The following JAZF1 variants were observed in gnomAD, a reference collection of about 807,000 sequenced individuals.
The protein encoded by JAZF1 is JAZF zinc finger 1, also known as juxtaposed with another zinc finger protein 1.
Under a neutral mutation model 26.4 loss-of-function variants are expected in JAZF1, and 8 were observed. The observed-to-expected ratio is 0.30, with a 90% confidence interval of 0.18 to 0.55. The LOEUF (loss-of-function observed/expected upper bound fraction) is 0.55, where lower values mean the gene tolerates loss of function less well. Among genes scored for constraint, JAZF1 ranks in the 20% least tolerant of loss-of-function variants. The pLI, the probability that JAZF1 is intolerant of heterozygous loss-of-function variation, is 0.94. For synonymous variants in JAZF1, 126 were observed against 122.3 expected (o/e 1.03, Z -0.20); for missense variants, 199 against 322.0 (o/e 0.62, Z 2.92).
At chr7:28,064,912 A>G (rs1783855372) in intron 1 of JAZF1, among the ~76,000 whole-genome samples, 1 of 152,292 alleles carries the variant, frequency 6.6e-6, no homozygotes, top group Admixed American at 6.5e-5. Context: ...TATTCATTAT[A>G]TAACTTTAGA....
chr7:28,175,503 C>G (rs897505272), intron 1 of JAZF1, among the ~76,000 whole-genome samples: 2 of 152,192 alleles, frequency 1.3e-5, no homozygotes, highest in African/African-American at 4.8e-5. Context: ...CTAACCACTC[C>G]GTGAGATGGA....
chr7:28,166,277 T>C (rs1783366403), intron 1 of JAZF1, among the ~76,000 whole-genome samples: 1 of 152,226 alleles, frequency 6.6e-6, no homozygotes, highest in Non-Finnish European at 1.5e-5. Flanking sequence ...ATAAAGTATT[T>C]TAAATATTCT....
chr7:27,967,381 T>C (rs563465219), intron 2 of JAZF1, among the ~76,000 whole-genome samples: 3 of 152,030 alleles, frequency 2.0e-5, no homozygotes, highest in East Asian at 1.9e-4. Context: ...AAACAGAACA[T>C]AGGGACATCT....
intron 1 of JAZF1, among the ~76,000 whole-genome samples, chr7:28,142,257 G>A (rs1782970014): frequency 1.3e-5 from 2 of 152,102 alleles, no homozygotes; most frequent in South Asian, 4.1e-4. Flanking sequence ...CTGATGTGAT[G>A]TTCAGAATCC....
chr7:28,014,949 C>T (rs1190594630), intron 1 of JAZF1, among the ~76,000 whole-genome samples: 6 of 152,206 alleles, frequency 3.9e-5, no homozygotes, highest in African/African-American at 1.4e-4. Context: ...GTTTAAAGTG[C>T]GGTCCTGGAG....
At chr7:27,924,623 A>ATTTT (rs1784582546) in intron 2 of JAZF1, among the ~76,000 whole-genome samples, 1 of 152,212 alleles carries the variant, frequency 6.6e-6, no homozygotes, top group African/African-American at 2.4e-5. Context: ...AAAGGGGCTG[A>ATTTT]TTTTTTAAAA....
chr7:28,057,660 T>C lies in JAZF1; in HGVS notation c.116-65679A>G, dbSNP rs535259455. Reference sequence around the variant, plus strand: ...ACTCCTATTTTTAATGGTTATAAGCTACTTAGGTCTTTGTAGCTTTTGAGT... The same window carrying C: ...ACTCCTATTTTTAATGGTTATAAGCCACTTAGGTCTTTGTAGCTTTTGAGT... On this transcript the variant is annotated intron_variant, in intron 1 of 4. Coordinates refer to ENST00000283928, the MANE Select transcript of JAZF1 (RefSeq NM_175061.4). Among the ~76,000 whole-genome samples, 8 of 152,346 alleles carry C rather than the reference T, an allele frequency of 5.3e-5. No homozygotes were observed. The South Asian group carries it at 1.7e-3, about 32-fold the overall frequency.
At chr7:27,890,858 CG>C (rs1246794198) in intron 3 of JAZF1, among the ~76,000 whole-genome samples, 1 of 145,440 alleles carries the variant, frequency 6.9e-6, no homozygotes, top group Admixed American at 7.1e-5. Context: ...GGTGCAATCT[CG>C]GCTCACCGCA....
chr7:27,855,363 A>C (rs188095796), intron 3 of JAZF1, among the ~76,000 whole-genome samples: 56 of 152,270 alleles, frequency 3.7e-4, no homozygotes, highest in Non-Finnish European at 5.0e-4. Flanking sequence ...GAAGACAAGA[A>C]ATAACTAAGA....
chr7:27,971,912 G>A (rs1365425811), intron 2 of JAZF1, among the ~76,000 whole-genome samples: 1 of 152,154 alleles, frequency 6.6e-6, no homozygotes. Context: ...CATGATGGGA[G>A]GGCAATGCAA....
At chr7:27,977,945 G>C (rs1391004833) in intron 2 of JAZF1, among the ~76,000 whole-genome samples, 5 of 152,166 alleles carry the variant, frequency 3.3e-5, no homozygotes, top group Admixed American at 1.3e-4. Context: ...TTATTGTCTA[G>C]AGCCTGAAAA....
chr7:28,095,598 C>G (rs944670658), intron 1 of JAZF1, among the ~76,000 whole-genome samples: 1 of 152,130 alleles, frequency 6.6e-6, no homozygotes, highest in Non-Finnish European at 1.5e-5. Context: ...TACACAAACC[C>G]TAACCATATC....
At chr7:27,929,036 G>A (rs1784641513) in intron 2 of JAZF1, among the ~76,000 whole-genome samples, 1 of 152,358 alleles carries the variant, frequency 6.6e-6, no homozygotes, top group African/African-American at 2.4e-5. Flanking sequence ...ACCTGGGCAA[G>A]AGGGGCACGT....
chr7:28,077,898 T>C (rs1165795832), intron 1 of JAZF1, among the ~76,000 whole-genome samples: 1 of 152,182 alleles, frequency 6.6e-6, no homozygotes, highest in African/African-American at 2.4e-5. Flanking sequence ...CGGGTCCTGA[T>C]TTCTCCTTCA....
rs563796187 is a variant in JAZF1 at position 27,861,432 on chromosome 7, A to AT, written c.386-20566dup. 1.9e-3 allele frequency among the ~76,000 whole-genome samples: 274 copies of AT among 146,974 alleles called. 1 individual carries two copies. Among genetic ancestry groups the AT allele is most frequent in the African/African-American group, 5.2e-3 (208 of 39,906 alleles). On this transcript the variant is annotated intron_variant, in intron 3 of 4. Coordinates refer to ENST00000283928, the MANE Select transcript of JAZF1 (RefSeq NM_175061.4). ...ATCACTTCTGTTTTCTAAATCTCTGATTTTTTTTTTCCTTTTTACTTTCTG... is the reference window on the plus strand; with the variant it reads ...ATCACTTCTGTTTTCTAAATCTCTGATTTTTTTTTTTCCTTTTTACTTTCTG...
At chr7:28,120,174 TG>T (rs1434057052) in intron 1 of JAZF1, among the ~76,000 whole-genome samples, 2,255 of 42,370 alleles carry the variant, frequency 0.053, 53 homozygotes, top group African/African-American at 0.17. Context: ...ATTTGTTTGG[TG>T]GTTTTTTTTT....
At chr7:28,122,732 G>A (rs1249522179) in intron 1 of JAZF1, among the ~76,000 whole-genome samples, 1 of 152,012 alleles carries the variant, frequency 6.6e-6, no homozygotes, top group Admixed American at 6.6e-5. Context: ...AAGCAGGGAC[G>A]CAGCACTCAT....
chr7:28,052,377 G>A (rs1032922881), intron 1 of JAZF1, among the ~76,000 whole-genome samples: 1 of 152,124 alleles, frequency 6.6e-6, no homozygotes, highest in African/African-American at 2.4e-5. Flanking sequence ...TTGAGTTTCT[G>A]GAGTCAGTTT....
chr7:28,056,530 G>A (rs947958032), intron 1 of JAZF1, among the ~76,000 whole-genome samples: 2 of 151,836 alleles, frequency 1.3e-5, no homozygotes, highest in African/African-American at 4.8e-5. Flanking sequence ...GTGTGAGCAT[G>A]AAATTTCACA....
Sources: allele counts gnomAD v4.1 joint callset (sites outside exome capture counted in the v4.1 genomes callset), GRCh38; gene constraint gnomAD v4.1.1; transcripts MANE v1.5; gene names NCBI Gene and HGNC (gene_info 2026-07-23, HGNC 2026-07-21).